SOX5: variants seen among roughly 807,000 people sequenced by gnomAD.
The protein encoded by SOX5 is SRY-box transcription factor 5, also known as transcription factor SOX-5.
SOX5 carries 9 observed loss-of-function variants against 92.0 expected under a neutral mutation model. The observed-to-expected ratio is 0.10, with a 90% confidence interval of 0.06 to 0.17. The LOEUF (loss-of-function observed/expected upper bound fraction) is 0.17, where lower values mean the gene tolerates loss of function less well. Ranked by LOEUF, SOX5 falls within the 10% of genes least tolerant of loss-of-function variation. The probability of loss-of-function intolerance (pLI) is 1.00; values close to 1 mark genes in which losing one functional copy is unlikely to be tolerated. For synonymous variants in SOX5, 344 were observed against 336.3 expected, an observed-to-expected ratio of 1.02 and a Z score of -0.25; for missense variants, 642 against 944.5, an observed-to-expected ratio of 0.68 and a Z score of 4.20.
intron 1 of SOX5, among the ~76,000 whole-genome samples, chr12:23,947,336 G>T (rs1944748544): frequency 2.6e-5 from 4 of 151,752 alleles, no homozygotes; most frequent in Admixed American, 2.6e-4. Context: ...AATGAAAGTT[G>T]CAAATAGTTG....
chr12:23,603,796 T>C (rs1005261312), intron 9 of SOX5: 1 of 152,128 alleles, frequency 6.6e-6, no homozygotes, highest in African/African-American at 2.4e-5. Context: ...ACACTACTAT[T>C]ACCTTCATTT....
rs532375506 is a variant in SOX5 at position 23,836,958 on chromosome 12, T to G, written c.481+9025A>C. 7.2e-5 allele frequency among the ~76,000 whole-genome samples: 11 copies of G among 151,764 alleles called. No homozygotes were observed. In the South Asian group the frequency reaches 2.1e-3, roughly 29 times the overall value. On this transcript the variant is annotated intron_variant, in intron 3 of 14. Transcript: ENST00000451604. ...TTGTAGTTTTTAGAGTATAAGTTTT[T>G]TAGTTATTTTGTCAGATTTACTCCT...
chr12:24,194,533 A>C (rs1419834776), intron 4 of SOX5, among the ~76,000 whole-genome samples: 1 of 152,194 alleles, frequency 6.6e-6, no homozygotes. Context: ...TGGGAACAAC[A>C]TATCTATATA....
At chr12:23,988,026 G>T (rs1184164970) in intron 4 of SOX5, among the ~76,000 whole-genome samples, 1 of 152,126 alleles carries the variant, frequency 6.6e-6, no homozygotes, top group Non-Finnish European at 1.5e-5. Flanking sequence ...TAATATAATA[G>T]AAATAAAGAA....
At chr12:23,666,127 T>A (rs542721342) in intron 6 of SOX5, among the ~76,000 whole-genome samples, 1 of 151,222 alleles carries the variant, frequency 6.6e-6, no homozygotes, top group South Asian at 2.1e-4. Context: ...TTTTTTTTTT[T>A]AATAGAAGAG....
At chr12:23,837,230 A>ATATATTTATATAATATATATT in intron 3 of SOX5, among the ~76,000 whole-genome samples, 2 of 82,832 alleles carry the variant, frequency 2.4e-5, no homozygotes, top group African/African-American at 3.4e-5. Flanking sequence ...GATATATAAT[A>ATATATTTATATAATATATATT]TATATTTATA....
chr12:23,785,180 CA>C (rs1419671283), intron 3 of SOX5, among the ~76,000 whole-genome samples: 2 of 152,172 alleles, frequency 1.3e-5, no homozygotes, highest in Non-Finnish European at 2.9e-5. Context: ...ATTTATTTAC[CA>C]TTAATGACAT....
At chr12:23,716,406 A>G (rs1448838990) in intron 6 of SOX5, among the ~76,000 whole-genome samples, 1 of 152,214 alleles carries the variant, frequency 6.6e-6, no homozygotes, top group Non-Finnish European at 1.5e-5. Context: ...GTTGTAAGGC[A>G]TAATACTGGG....
At chr12:23,808,322 A>G (rs2095817401) in intron 3 of SOX5, among the ~76,000 whole-genome samples, 1 of 152,070 alleles carries the variant, frequency 6.6e-6, no homozygotes, top group South Asian at 2.1e-4. Flanking sequence ...CTGCCTTCAC[A>G]TATAAGTTTT....
In SOX5 at chr12:23,604,462, G is replaced by A. The variant is rs1419485062; in HGVS notation, c.1089C>T (p.Gly363=). The A allele has an allele frequency of 1.2e-6, 2 of 1,613,716 alleles. No homozygotes were observed. Residue 363 remains glycine, a synonymous_variant, in exon 9 of 15, where the codon GGC becomes GGT. Transcript: ENST00000451604. ...TAGGAGATACAGCAGCACCAAGGTT[G>A]CCTTGGGGTATGCCTGGCAGCTTCC... The part of the protein sequence containing the change: ...PGGKLPGIPQ[G]NLGAAVSPTS...
At chr12:23,616,711 T>C (rs2076597194) in intron 8 of SOX5, among the ~76,000 whole-genome samples, 1 of 152,144 alleles carries the variant, frequency 6.6e-6, no homozygotes, top group African/African-American at 2.4e-5. Context: ...TGGAGCATAA[T>C]TGAAAAAACA....
intron 3 of SOX5, chr12:24,237,673 C>T (rs954918105): frequency 6.6e-6 from 1 of 151,108 alleles, no homozygotes; most frequent in African/African-American, 2.4e-5. Flanking sequence ...TTTTTCTAAA[C>T]ATACATAAAG....
intron 7 of SOX5, among the ~76,000 whole-genome samples, chr12:23,662,281 T>C (rs1384481171): frequency 1.3e-5 from 2 of 152,100 alleles, no homozygotes; most frequent in East Asian, 1.9e-4. Flanking sequence ...AAGCAATAAC[T>C]AGATATGGAT....
At chr12:24,135,320 A>T (rs958543981) in intron 4 of SOX5, among the ~76,000 whole-genome samples, 4 of 152,178 alleles carry the variant, frequency 2.6e-5, no homozygotes, top group African/African-American at 9.7e-5. Context: ...TGAATCCTTC[A>T]GTAAGAAGCC....
At chr12:23,788,461 T>C (rs1261130137) in intron 3 of SOX5, among the ~76,000 whole-genome samples, 2 of 151,980 alleles carry the variant, frequency 1.3e-5, no homozygotes, top group Non-Finnish European at 2.9e-5. Flanking sequence ...GTGCTTGTAA[T>C]AGCATTTTTT....
chr12:24,309,253 G>A (rs770392147), intron 2 of SOX5, among the ~76,000 whole-genome samples: 1 of 152,122 alleles, frequency 6.6e-6, no homozygotes, highest in Non-Finnish European at 1.5e-5. Context: ...TGCACCTCTT[G>A]CAAAGGAAGG....
intron 1 of SOX5, among the ~76,000 whole-genome samples, chr12:24,440,866 C>T (rs1317086998): frequency 2.0e-5 from 3 of 152,142 alleles, no homozygotes; most frequent in African/African-American, 7.2e-5. Context: ...CCTGCTGCAG[C>T]TCTGATGCAA....
chr12:23,646,653 T>G (rs906431214), intron 7 of SOX5, among the ~76,000 whole-genome samples: 1 of 152,202 alleles, frequency 6.6e-6, no homozygotes, highest in Non-Finnish European at 1.5e-5. Context: ...ATGTTCTCAA[T>G]CCTTTGTTGT....
At chr12:23,856,097 A>T (rs1293752670) in intron 2 of SOX5, among the ~76,000 whole-genome samples, 2 of 152,042 alleles carry the variant, frequency 1.3e-5, no homozygotes, top group African/African-American at 4.8e-5. Context: ...CTCTTACAAA[A>T]TTTCCCAACT....
Sources: allele counts gnomAD v4.1 joint callset (sites outside exome capture counted in the v4.1 genomes callset), GRCh38; gene constraint gnomAD v4.1.1; transcripts MANE v1.5; gene names NCBI Gene and HGNC (gene_info 2026-07-23, HGNC 2026-07-21).